DLGAP4: variants seen among roughly 807,000 people sequenced by gnomAD.
DLGAP4 encodes DLG associated protein 4.
DLGAP4 carries 18 observed loss-of-function variants against 86.9 expected under a neutral mutation model. The observed-to-expected ratio is 0.21, with a 90% confidence interval of 0.14 to 0.31. The LOEUF (loss-of-function observed/expected upper bound fraction) is 0.31, where lower values mean the gene tolerates loss of function less well. DLGAP4 is among the 10% of genes least tolerant of loss of function. The pLI is 1.00. For missense variants in DLGAP4, 1,085 were observed against 1,362.6 expected, an observed-to-expected ratio of 0.80 and a Z score of 3.21; for synonymous variants, 548 against 574.3, an observed-to-expected ratio of 0.95 and a Z score of 0.65.
intron 2 of DLGAP4, among the ~76,000 whole-genome samples, chr20:36,427,321 TA>T (rs1332983581): frequency 6.6e-6 from 1 of 151,256 alleles, no homozygotes; most frequent in Non-Finnish European, 1.5e-5. Context: ...TACTAAAAAT[TA>T]CAAAAATTAG....
intron 7 of DLGAP4, among the ~76,000 whole-genome samples, chr20:36,472,322 C>A (rs947172067): frequency 6.6e-6 from 1 of 151,844 alleles, no homozygotes; most frequent in African/African-American, 2.4e-5. Flanking sequence ...GGCAACATAG[C>A]GAAACGCCGT....
intron 1 of DLGAP4, among the ~76,000 whole-genome samples, chr20:36,329,164 T>A (rs1417254598): frequency 6.6e-6 from 1 of 152,126 alleles, no homozygotes; most frequent in Non-Finnish European, 1.5e-5. Flanking sequence ...CCCACCTCAG[T>A]CTCCCAAATT....
chr20:36,446,339 T>G (rs2033591581), intron 6 of DLGAP4, among the ~76,000 whole-genome samples: 1 of 152,126 alleles, frequency 6.6e-6, no homozygotes, highest in South Asian at 2.1e-4. Context: ...CCACCCCCAT[T>G]CCAACATTCA....
chr20:36,346,443 G>A (rs1232052553), intron 1 of DLGAP4, among the ~76,000 whole-genome samples: 1 of 152,230 alleles, frequency 6.6e-6, no homozygotes, highest in African/African-American at 2.4e-5. Flanking sequence ...GAAGCGGTGG[G>A]TTTCAGCCAG....
intron 2 of DLGAP4, among the ~76,000 whole-genome samples, chr20:36,413,291 C>A (rs2032556257): frequency 6.7e-6 from 1 of 150,314 alleles, no homozygotes; most frequent in Non-Finnish European, 1.5e-5. Context: ...TTCCAGAACT[C>A]TTTCATCACC....
intron 7 of DLGAP4, among the ~76,000 whole-genome samples, chr20:36,475,215 T>C (rs1470706978): frequency 6.6e-6 from 1 of 151,988 alleles, no homozygotes; most frequent in African/African-American, 2.4e-5. Context: ...TTTATATGTT[T>C]CTTCCTTTTT....
chr20:36,432,713 G>T lies in DLGAP4; in HGVS notation c.996G>T (p.Leu332=). 1 of 1,612,636 alleles carries T rather than the reference G, an allele frequency of 6.2e-7. No homozygotes were observed. The highest frequency in any genetic ancestry group is 8.5e-7 in the Non-Finnish European group (1 of 1,179,528). Reference sequence around the variant, plus strand: ...ACCAGGGTCTAGCCTACCATTACCTGCAGGTGGGTCTCTGGCAGGGTCAGG... The same window carrying T: ...ACCAGGGTCTAGCCTACCATTACCTTCAGGTGGGTCTCTGGCAGGGTCAGG... The part of the protein sequence containing the change: ...SCHQGLAYHY[L]QVPGGGGEWS... The change falls in exon 3 of 13, where the codon CTG becomes CTT. Residue 332 remains leucine (L), a synonymous_variant. Coordinates refer to ENST00000339266, the MANE Select transcript of DLGAP4 (RefSeq NM_001365621.2). The surrounding 1 kb of genome is among the most constrained non-coding windows in gnomAD (Gnocchi z 6.5).
intron 1 of DLGAP4, among the ~76,000 whole-genome samples, chr20:36,341,795 G>A (rs1341429075): frequency 6.6e-6 from 1 of 152,196 alleles, no homozygotes; most frequent in Admixed American, 6.5e-5. Flanking sequence ...GACATCGGGG[G>A]AAGGGCGGGC....
intron 1 of DLGAP4, among the ~76,000 whole-genome samples, chr20:36,314,130 G>A (rs1273688474): frequency 1.3e-5 from 2 of 151,902 alleles, no homozygotes; most frequent in South Asian, 2.1e-4. Context: ...CAGGGACAGC[G>A]TGCTGGGAGC....
chr20:36,472,118 G>GC (rs1490784997), intron 7 of DLGAP4, among the ~76,000 whole-genome samples: 2 of 152,150 alleles, frequency 1.3e-5, no homozygotes, highest in Non-Finnish European at 2.9e-5. Context: ...GATCATCTTT[G>GC]CAGCTCCTTT....
intron 3 of DLGAP4, among the ~76,000 whole-genome samples, chr20:36,434,526 C>T (rs2033218101): frequency 6.6e-6 from 1 of 152,112 alleles, no homozygotes; most frequent in African/African-American, 2.4e-5. Context: ...GAGGGTAGCC[C>T]TGTGGGCCCT....
chr20:36,470,344 A>G (rs2147660433), intron 7 of DLGAP4, among the ~76,000 whole-genome samples: 1 of 152,298 alleles, frequency 6.6e-6, no homozygotes, highest in Non-Finnish European at 1.5e-5. Context: ...GTCTACTCTC[A>G]GAGGCTGACT....
At chr20:36,386,198 C>G (rs984099972) in intron 2 of DLGAP4, among the ~76,000 whole-genome samples, 1 of 152,112 alleles carries the variant, frequency 6.6e-6, no homozygotes, top group African/African-American at 2.4e-5. Flanking sequence ...AGCAAGCAAG[C>G]GTGACACATT....
intron 1 of DLGAP4, among the ~76,000 whole-genome samples, chr20:36,359,552 C>T (rs1555894066): frequency 6.6e-6 from 1 of 152,178 alleles, no homozygotes; most frequent in East Asian, 1.9e-4. Flanking sequence ...AATCCCTGCT[C>T]AGCCATTTGC....
chr20:36,355,096 A>G (rs1555893739), intron 1 of DLGAP4, among the ~76,000 whole-genome samples: 5 of 152,192 alleles, frequency 3.3e-5, no homozygotes, highest in African/African-American at 9.7e-5. Context: ...CAACACCACA[A>G]TTCAAAAGCT....
At chr20:36,390,341 G>A (rs1316861427) in intron 2 of DLGAP4, among the ~76,000 whole-genome samples, 2 of 152,128 alleles carry the variant, frequency 1.3e-5, no homozygotes, top group East Asian at 1.9e-4. Flanking sequence ...GAGAAGGCAG[G>A]GCTAAACCTG....
At chr20:36,526,701 T>C (rs2037790450) in intron 12 of DLGAP4, 112 bp from the exon 13 acceptor site, 9 of 971,054 alleles carry the variant, frequency 9.3e-6, no homozygotes, top group Admixed American at 2.9e-5. Context: ...TTGTGCCCGA[T>C]GCGGGGAGGC....
Position 36,525,983 on chromosome 20 carries a change from G to C in DLGAP4, c.2737G>C (p.Val913Leu). 1 of 1,613,854 alleles carries C rather than the reference G, an allele frequency of 6.2e-7. No homozygotes were observed. The highest frequency in any genetic ancestry group is 8.5e-7 in the Non-Finnish European group (1 of 1,179,950). The change falls in exon 12 of 13, where the codon GTG (valine) becomes CTG (leucine). Residue 913 changes from valine to leucine, a missense_variant. Around this residue, in one of 2 missense-constraint regions of DLGAP4, gnomAD observed 1,082 missense variants for 1,344.1 expected, o/e 0.81. Coordinates refer to ENST00000339266, the MANE Select transcript of DLGAP4 (RefSeq NM_001365621.2). ...YHLKANSWQL[V>L]ETPEKRKEEK... ...CCTCAAGGCCAACAGCTGGCAGCTGGTGGAGACCCCCGAGAAGAGGAAGGT... is the reference window on the plus strand; with the variant it reads ...CCTCAAGGCCAACAGCTGGCAGCTGCTGGAGACCCCCGAGAAGAGGAAGGT...
At chr20:36,369,875 TCTC>T (rs1454999169) in intron 2 of DLGAP4, among the ~76,000 whole-genome samples, 2 of 152,226 alleles carry the variant, frequency 1.3e-5, no homozygotes, top group Non-Finnish European at 2.9e-5. Flanking sequence ...GCATTTTTTA[TCTC>T]CTTGAATCCT....
Sources: allele counts gnomAD v4.1 joint callset (sites outside exome capture counted in the v4.1 genomes callset), GRCh38; gene constraint gnomAD v4.1.1; regional missense constraint gnomAD v4.1.1; non-coding constraint Gnocchi (gnomAD v3.1); transcripts MANE v1.5; gene names NCBI Gene and HGNC (gene_info 2026-07-23, HGNC 2026-07-21).